Variants in GALNT17 observed in about 807,000 individuals in gnomAD.
GALNT17 encodes polypeptide N-acetylgalactosaminyltransferase 17, also known as UDP-GalNAc:polypeptide N-acetylgalactosaminyltransferase-like 3.
Under a neutral mutation model 63.7 loss-of-function variants are expected in GALNT17, and 29 were observed. That is an observed-to-expected ratio of 0.46 (90% CI 0.34 to 0.62). The LOEUF (loss-of-function observed/expected upper bound fraction) is 0.62. GALNT17 is among the 20% of genes least tolerant of loss of function. GALNT17 has a pLI of 0.01. For missense variants in GALNT17, 603 were observed against 799.6 expected, an observed-to-expected ratio of 0.75 and a Z score of 2.97; for synonymous variants, 305 against 318.3, an observed-to-expected ratio of 0.96 and a Z score of 0.45.
intron 1 of GALNT17, among the ~76,000 whole-genome samples, chr7:71,277,300 A>G (rs1790699789): frequency 6.6e-6 from 1 of 152,154 alleles, no homozygotes; most frequent in African/African-American, 2.4e-5. Context: ...GTACACTCGC[A>G]TAGACATAAA....
In GALNT17 at chr7:71,578,004, C is replaced by CATTCATTT. The variant is rs1193645222; in HGVS notation, c.1080+6605_1080+6606insCATTTATT. On this transcript the variant is annotated intron_variant, in intron 6 of 10. Transcript: ENST00000333538. Reference sequence around the variant, plus strand: ...CTTGCTCCTTCGGAGGGGTTGTTTACATTTATTTATTTATTTATTTATTTA... The same window carrying CATTCATTT: ...CTTGCTCCTTCGGAGGGGTTGTTTACATTCATTTATTTATTTATTTATTTATTTATTTA... Among the ~76,000 whole-genome samples the CATTCATTT allele has an allele frequency of 2.2e-3, 320 of 143,310 alleles. 2 individuals carry two copies. Among genetic ancestry groups the CATTCATTT allele is most frequent in the Non-Finnish European group, 3.9e-3 (253 of 65,640 alleles). The allele number at this position is 143,310 out of a possible 152,430, so 94.0% of individuals were successfully genotyped here.
intron 1 of GALNT17, among the ~76,000 whole-genome samples, chr7:71,294,560 G>A (rs1167388469): frequency 6.6e-6 from 1 of 151,686 alleles, no homozygotes; most frequent in East Asian, 1.9e-4. Context: ...GACTACAGGT[G>A]TGCACCACCA....
intron 1 of GALNT17, among the ~76,000 whole-genome samples, chr7:71,269,653 G>A (rs989149996): frequency 1.8e-4 from 27 of 152,302 alleles, no homozygotes; most frequent in Admixed American, 1.8e-3. Context: ...GCAGGAAGCC[G>A]AGAACTGGAC....
intron 1 of GALNT17, among the ~76,000 whole-genome samples, chr7:71,219,579 A>G (rs1789546817): frequency 6.6e-6 from 1 of 151,956 alleles, no homozygotes; most frequent in African/African-American, 2.4e-5. Flanking sequence ...TTTTTGTTAT[A>G]TTTAATTTCC....
chr7:71,372,207 C>T (rs1722935731), intron 2 of GALNT17, among the ~76,000 whole-genome samples: 1 of 152,068 alleles, frequency 6.6e-6, no homozygotes, highest in Admixed American at 6.6e-5. Context: ...TGCCCAGGCC[C>T]AGGCCCGAGT....
At chr7:71,202,279 TCA>T (rs1789189509) in intron 1 of GALNT17, among the ~76,000 whole-genome samples, 1 of 151,728 alleles carries the variant, frequency 6.6e-6, no homozygotes, top group African/African-American at 2.4e-5. Flanking sequence ...AAATAATTCA[TCA>T]CACAGACAAT....
chr7:71,250,520 G>C, intron 1 of GALNT17, among the ~76,000 whole-genome samples: 1 of 152,138 alleles, frequency 6.6e-6, no homozygotes, highest in East Asian at 1.9e-4. Flanking sequence ...GGAATATAGA[G>C]TGAATGAAAT....
At chr7:71,639,285 G>T (rs1790571776) in intron 6 of GALNT17, among the ~76,000 whole-genome samples, 1 of 152,174 alleles carries the variant, frequency 6.6e-6, no homozygotes, top group African/African-American at 2.4e-5. Flanking sequence ...ACCATTTGAG[G>T]AGACTTGAAT....
At chr7:71,524,984 C>T (rs778449710) in intron 5 of GALNT17, among the ~76,000 whole-genome samples, 1 of 152,140 alleles carries the variant, frequency 6.6e-6, no homozygotes, top group African/African-American at 2.4e-5. Flanking sequence ...TTCCTTGCCC[C>T]TTGTTTTGTT....
chr7:71,420,130 C>T (rs1188859169), intron 4 of GALNT17, among the ~76,000 whole-genome samples: 2 of 152,110 alleles, frequency 1.3e-5, no homozygotes, highest in Non-Finnish European at 2.9e-5. Flanking sequence ...GATCCCTTCC[C>T]GCGCCTGCCT....
chr7:71,392,577 G>A (rs1793069795), intron 3 of GALNT17, among the ~76,000 whole-genome samples: 1 of 152,122 alleles, frequency 6.6e-6, no homozygotes, highest in South Asian at 2.1e-4. Context: ...GAGAACCATT[G>A]GGTTAGGTAA....
intron 1 of GALNT17, among the ~76,000 whole-genome samples, chr7:71,322,599 A>G (rs1290265189): frequency 1.3e-5 from 2 of 152,160 alleles, no homozygotes; most frequent in South Asian, 2.1e-4. Context: ...ACCATGTGTT[A>G]TAAACCAAGT....
chr7:71,579,121 T>C (rs746592708), intron 6 of GALNT17, among the ~76,000 whole-genome samples: 1 of 152,222 alleles, frequency 6.6e-6, no homozygotes, highest in Non-Finnish European at 1.5e-5. Flanking sequence ...CAAGGCCTGG[T>C]GTGAAGGAAG....
chr7:71,652,869 A>C (rs2117025299), intron 6 of GALNT17, among the ~76,000 whole-genome samples: 1 of 152,294 alleles, frequency 6.6e-6, no homozygotes, highest in East Asian at 1.9e-4. Context: ...GGCTCTGCAA[A>C]CCCAAACACT....
intron 5 of GALNT17, among the ~76,000 whole-genome samples, chr7:71,434,986 T>G (rs1412742399): frequency 6.6e-6 from 1 of 152,070 alleles, no homozygotes; most frequent in East Asian, 1.9e-4. Context: ...GTTGCTTCCA[T>G]TGAGGGAATT....
intron 1 of GALNT17, among the ~76,000 whole-genome samples, chr7:71,281,796 C>A (rs1470981412): frequency 1.3e-5 from 2 of 152,190 alleles, no homozygotes; most frequent in Non-Finnish European, 2.9e-5. Flanking sequence ...GACCTAACCA[C>A]CTCCCAGTGT....
intron 6 of GALNT17, among the ~76,000 whole-genome samples, chr7:71,662,832 G>T (rs1246455978): frequency 2.0e-5 from 3 of 152,116 alleles, no homozygotes; most frequent in Admixed American, 2.0e-4. Context: ...TCTTCTAAGA[G>T]TTTTATAGTT....
chr7:71,290,185 G>A (rs1001305335), intron 1 of GALNT17, among the ~76,000 whole-genome samples: 5 of 152,182 alleles, frequency 3.3e-5, no homozygotes, highest in African/African-American at 1.2e-4. Flanking sequence ...ACCCCAAAAA[G>A]AAACCGTGTA....
intron 5 of GALNT17, among the ~76,000 whole-genome samples, chr7:71,529,736 A>G (rs958960097): frequency 6.6e-6 from 1 of 152,246 alleles, no homozygotes; most frequent in East Asian, 1.9e-4. Context: ...TGCATGCCGC[A>G]TGCCACATGT....
Sources: allele counts gnomAD v4.1 joint callset (sites outside exome capture counted in the v4.1 genomes callset), GRCh38; gene constraint gnomAD v4.1.1; transcripts MANE v1.5; gene names NCBI Gene and HGNC (gene_info 2026-07-23, HGNC 2026-07-21).